DLGAP2: variants seen among roughly 807,000 people sequenced by gnomAD.
DLGAP2 encodes DLG associated protein 2, also known as disks large-associated protein 2.
A neutral mutation model predicts 100.3 loss-of-function variants in DLGAP2; 26 were observed. The ratio of observed to expected loss-of-function variants is 0.26; its 90% CI spans 0.19 to 0.36. The LOEUF is 0.36. DLGAP2 is among the 10% of genes least tolerant of loss of function. The pLI, the probability that DLGAP2 is intolerant of heterozygous loss-of-function variation, is 1.00. For missense variants in DLGAP2, 1,858 were observed against 1,453.2 expected, an observed-to-expected ratio of 1.28 and a Z score of -4.53; for synonymous variants, 886 against 630.1, an observed-to-expected ratio of 1.41 and a Z score of -6.08.
intron 3 of DLGAP2, among the ~76,000 whole-genome samples, chr8:1,469,185 C>G (rs1380599359): frequency 6.6e-6 from 1 of 152,242 alleles, no homozygotes; most frequent in Non-Finnish European, 1.5e-5. Flanking sequence ...GGCAGATCCT[C>G]CAGTCCTGGG....
chr8:1,122,464 G>A lies in DLGAP2; in HGVS notation c.74-136387G>A, dbSNP rs1563203242. 3.3e-5 allele frequency among the ~76,000 whole-genome samples: 5 copies of A among 152,312 alleles called. No individual in the cohort carries two copies. The South Asian group carries it at 8.3e-4, about 25-fold the overall frequency. On this transcript the variant is annotated intron_variant, in intron 2 of 14. Transcript: ENST00000637795. ...ACTGCCATCCAGAGCTGAGGGGAAC[G>A]TAGAGAAAGATCACATTTTTGATCC...
At chr8:1,584,181 T>A (rs1254000816) in intron 6 of DLGAP2, among the ~76,000 whole-genome samples, 1 of 152,168 alleles carries the variant, frequency 6.6e-6, no homozygotes, top group Non-Finnish European at 1.5e-5. Flanking sequence ...AAAACCATCG[T>A]CTTATGACTC....
intron 2 of DLGAP2, among the ~76,000 whole-genome samples, chr8:1,192,042 C>G (rs1186702926): frequency 6.6e-6 from 1 of 152,190 alleles, no homozygotes; most frequent in Non-Finnish European, 1.5e-5. Context: ...ACATTCGTAG[C>G]CGCTGCCAGC....
At chr8:959,734 G>C (rs538572888) in intron 2 of DLGAP2, among the ~76,000 whole-genome samples, 16 of 152,154 alleles carry the variant, frequency 1.1e-4, no homozygotes, top group Non-Finnish European at 1.9e-4. Context: ...ATTGGCTCAA[G>C]GGCAAATAGC....
intron 2 of DLGAP2, among the ~76,000 whole-genome samples, chr8:935,324 G>A (rs1033517042): frequency 3.3e-5 from 5 of 152,202 alleles, no homozygotes; most frequent in African/African-American, 9.7e-5. Context: ...ACATGCGGTC[G>A]TGAGCCCAGG....
chr8:1,161,410 CTG>C (rs1796886048), intron 2 of DLGAP2, among the ~76,000 whole-genome samples: 1 of 152,154 alleles, frequency 6.6e-6, no homozygotes, highest in South Asian at 2.1e-4. Context: ...AAGGTTCTCT[CTG>C]GAACAGAGAT....
intron 2 of DLGAP2, among the ~76,000 whole-genome samples, chr8:961,099 G>A (rs1799715185): frequency 6.6e-6 from 1 of 152,220 alleles, no homozygotes; most frequent in Non-Finnish European, 1.5e-5. Flanking sequence ...CTTAGACGTT[G>A]TACATATTCC....
At chr8:1,186,473 G>C (rs1485653154) in intron 2 of DLGAP2, among the ~76,000 whole-genome samples, 1 of 152,206 alleles carries the variant, frequency 6.6e-6, no homozygotes, top group East Asian at 1.9e-4. Flanking sequence ...CCCTAAGCCA[G>C]CGAGTACCCA....
In DLGAP2 at chr8:1,079,679, A is replaced by G. The variant is rs116107597; in HGVS notation, c.73+171713A>G. On this transcript the variant is annotated intron_variant, in intron 2 of 14. Coordinates refer to ENST00000637795, the MANE Select transcript of DLGAP2 (RefSeq NM_001346810.2). Reference sequence around the variant, plus strand: ...GTGCTGGAGACACAGAGACAATTAAAATATGATTCATAGATTGGACGAGGT... The same window carrying G: ...GTGCTGGAGACACAGAGACAATTAAGATATGATTCATAGATTGGACGAGGT... Among the ~76,000 whole-genome samples, 843 of 152,344 alleles carry G rather than the reference A, an allele frequency of 5.5e-3. 8 individuals are homozygous for G. The highest frequency in any genetic ancestry group is 0.019 in the African/African-American group (802 of 41,586).
intron 3 of DLGAP2, among the ~76,000 whole-genome samples, chr8:1,424,448 G>C (rs756050624): frequency 6.6e-6 from 1 of 152,196 alleles, no homozygotes; most frequent in Non-Finnish European, 1.5e-5. Context: ...AAATGAAAAT[G>C]TTCAATTGTG....
intron 3 of DLGAP2, among the ~76,000 whole-genome samples, chr8:1,357,324 C>G (rs538357699): frequency 1.3e-5 from 2 of 152,046 alleles, no homozygotes; most frequent in South Asian, 4.2e-4. Flanking sequence ...TAGTGGATGG[C>G]CAGACTCATC....
Position 1,549,273 on chromosome 8 carries a change from C to A in DLGAP2, c.820C>A (p.His274Asn). The change falls in exon 5 of 15, where the codon CAC becomes AAC. Residue 274 changes from histidine to asparagine, a missense_variant. Transcript: ENST00000637795. ...CCACCACCACGCCCACCACGCCAAG[C>A]ACAGCAAGAGGAGCAAGAGCAAGGA... is the stretch of plus-strand genomic sequence containing the variant. Reference protein sequence around the residue: ...DDHHHAHHAKHSKRSKSKERK... With the variant: ...DDHHHAHHAKNSKRSKSKERK... 6.2e-7 allele frequency: 1 copy of A among 1,611,680 alleles called. No homozygotes were observed. Among genetic ancestry groups the A allele is most frequent in the South Asian group, 1.1e-5 (1 of 90,994 alleles).
intron 6 of DLGAP2, among the ~76,000 whole-genome samples, chr8:1,603,291 T>A (rs2130708863): frequency 6.6e-6 from 1 of 150,604 alleles, no homozygotes; most frequent in South Asian, 2.1e-4. Context: ...AGAGGCTGGT[T>A]AGAGTGGAGG....
At chr8:1,360,695 C>A (rs187607364) in intron 3 of DLGAP2, among the ~76,000 whole-genome samples, 1 of 152,176 alleles carries the variant, frequency 6.6e-6, no homozygotes, top group South Asian at 2.1e-4. Flanking sequence ...CACACCACAC[C>A]GCCCCCACCA....
intron 2 of DLGAP2, among the ~76,000 whole-genome samples, chr8:1,050,703 C>A (rs1802652788): frequency 6.6e-6 from 1 of 152,210 alleles, no homozygotes; most frequent in Non-Finnish European, 1.5e-5. Context: ...CATTTCATTA[C>A]ACACGTAACA....
At chr8:1,347,982 T>C (rs1801606639) in intron 3 of DLGAP2, among the ~76,000 whole-genome samples, 1 of 151,298 alleles carries the variant, frequency 6.6e-6, no homozygotes, top group African/African-American at 2.4e-5. Flanking sequence ...GGTAGCTGTG[T>C]GGAGGTTGAG....
chr8:792,083 G>A (rs1181375108), intron 1 of DLGAP2, among the ~76,000 whole-genome samples: 2 of 152,154 alleles, frequency 1.3e-5, no homozygotes, highest in Non-Finnish European at 2.9e-5. Flanking sequence ...AGCCTTTCAT[G>A]TTTTCTACTT....
chr8:1,632,261 T>C (rs1797665607), intron 7 of DLGAP2, among the ~76,000 whole-genome samples: 1 of 152,252 alleles, frequency 6.6e-6, no homozygotes, highest in Admixed American at 6.5e-5. Context: ...TGGACTCAGA[T>C]ATATGCTGCC....
intron 2 of DLGAP2, among the ~76,000 whole-genome samples, chr8:1,206,394 C>G (rs937286056): frequency 6.6e-6 from 1 of 151,682 alleles, no homozygotes; most frequent in Non-Finnish European, 1.5e-5. Context: ...TAATCTCCAG[C>G]CATCCGTGGA....
Sources: gnomAD v4.1 joint callset for allele counts (sites outside exome capture counted in the v4.1 genomes callset) on GRCh38, gnomAD v4.1.1 for gene constraint, MANE v1.5 for transcripts, NCBI Gene and HGNC (gene_info 2026-07-23, HGNC 2026-07-21) for gene names.